The following NCOR1 variants were observed in gnomAD, a reference collection of about 807,000 sequenced individuals.
NCOR1 encodes the protein nuclear receptor corepressor 1.
In NCOR1, 63 loss-of-function variants were observed where a neutral mutation model predicts 288.1. That is an observed-to-expected ratio of 0.22 (90% CI 0.18 to 0.27). The LOEUF is 0.27. Among genes scored for constraint, NCOR1 ranks in the 10% least tolerant of loss-of-function variants. NCOR1 has a pLI of 1.00. For synonymous variants in NCOR1, 1,007 were observed against 1,065.9 expected (o/e 0.94, Z 1.08); for missense variants, 2,397 against 3,019.2 (o/e 0.79, Z 4.83).
intron 21 of NCOR1, 111 bp from the exon 22 acceptor site, chr17:16,092,169 A>G (rs143790356): frequency 7.7e-7 from 1 of 1,295,982 alleles, no homozygotes; most frequent in East Asian, 2.4e-5. Context: ...AATTGATTTT[A>G]TCATTTTTTA....
At chr17:16,137,250 C>A (rs918038347) in intron 14 of NCOR1, 61 bp downstream of exon 14, 2 of 1,101,502 alleles carry the variant, frequency 1.8e-6, no homozygotes, top group African/African-American at 3.1e-5. Flanking sequence ...TGTTTTAACA[C>A]TTTTTGCTTG....
chr17:16,110,477 C>T lies in NCOR1; in HGVS notation c.2056-1565G>A, dbSNP rs139018044. Among the ~76,000 whole-genome samples the T allele has an allele frequency of 7.0e-4, 106 of 152,166 alleles. 2 individuals are homozygous for T. In the East Asian group the frequency reaches 0.012, roughly 17 times the overall value. ...CATTCTTCTACTGGGGTCGCATATA[C>T]GTAAGAGTACATGTGTACACATTTA... On this transcript the variant is annotated intron_variant, in intron 18 of 45. Transcript: ENST00000268712.
Position 16,032,169 on chromosome 17 carries a change from G to T in NCOR1, c.*127C>A. 3 of 905,190 alleles carry T rather than the reference G, an allele frequency of 3.3e-6. No individual in the cohort carries two copies. Among genetic ancestry groups the T allele is most frequent in the Non-Finnish European group, 4.7e-6 (3 of 634,292 alleles). The allele number at this position is 905,190 out of a possible 1,614,324, so 56.1% of individuals were successfully genotyped here. A position where few individuals can be genotyped will look rare whatever the true frequency, so the allele number is the denominator to read the frequency against. On this transcript the variant is annotated 3_prime_UTR_variant, in exon 46 of 46. Coordinates refer to ENST00000268712, the MANE Select transcript of NCOR1 (RefSeq NM_006311.4). ...TCCATCATTTCTTCATCATCTGTGG[G>T]CTGGCTCTCCTGAAAAGTCTCAGGG...
intron 35 of NCOR1, 103 bp downstream of exon 35, chr17:16,063,965 G>C: frequency 7.1e-7 from 1 of 1,411,622 alleles, no homozygotes; most frequent in Non-Finnish European, 9.4e-7. Context: ...CGTTGTCTTA[G>C]AATTTTTGTT....
At chr17:16,172,047 C>T (rs1205679126) in intron 3 of NCOR1, 52 bp from the exon 4 acceptor site, 4 of 1,387,878 alleles carry the variant, frequency 2.9e-6, no homozygotes, top group Non-Finnish European at 3.9e-6. Context: ...TGATGTACAA[C>T]TCCCTGGTAA....
Position 16,050,317 on chromosome 17 carries a change from G to C in NCOR1, c.6393-1329C>G, listed in dbSNP as rs188913165. On this transcript the variant is annotated intron_variant, in intron 40 of 45. Coordinates refer to ENST00000268712, the MANE Select transcript of NCOR1 (RefSeq NM_006311.4). ...GGCTCACTATAACCTCCACCTCCCA[G>C]GTTGAAAGGATTCTAGTGCCTCAGC... is the stretch of plus-strand genomic sequence containing the variant. Among the ~76,000 whole-genome samples the C allele has an allele frequency of 2.2e-4, 34 of 151,986 alleles. 1 individual carries two copies. The highest frequency in any genetic ancestry group is 2.1e-3 in the Admixed American group (32 of 15,282).
chr17:16,077,173 G>A (rs2062587535), intron 26 of NCOR1, among the ~76,000 whole-genome samples: 1 of 151,942 alleles, frequency 6.6e-6, no homozygotes, highest in Non-Finnish European at 1.5e-5. Context: ...AAGACGGGCG[G>A]ATCACCTGAA....
chr17:16,091,781 C>A (rs2065220328), intron 22 of NCOR1, 82 bp downstream of exon 22: 3 of 1,592,730 alleles, frequency 1.9e-6, no homozygotes, highest in South Asian at 1.1e-5. Flanking sequence ...TGACAACTTA[C>A]AAAGCACAAT....
At chr17:16,123,003 T>TA (rs900739755) in intron 15 of NCOR1, among the ~76,000 whole-genome samples, 1 of 152,116 alleles carries the variant, frequency 6.6e-6, no homozygotes, top group African/African-American at 2.4e-5. Context: ...CCCATTCTCA[T>TA]AAGTTCTACC....
intron 1 of NCOR1, among the ~76,000 whole-genome samples, chr17:16,205,924 C>A (rs1270930247): frequency 1.4e-5 from 2 of 143,164 alleles, no homozygotes; most frequent in African/African-American, 2.6e-5. Flanking sequence ...GCAACAAGAG[C>A]GATACTCCGT....
At chr17:16,041,252 T>C (rs550382327) in intron 42 of NCOR1, 1 of 152,290 alleles carries the variant, frequency 6.6e-6, no homozygotes, top group South Asian at 2.1e-4. Flanking sequence ...GAACCGCCTA[T>C]AATAAAGCAG....
intron 44 of NCOR1, among the ~76,000 whole-genome samples, chr17:16,035,519 G>A (rs2151876206): frequency 6.9e-6 from 1 of 145,802 alleles, no homozygotes; most frequent in East Asian, 2.0e-4. Context: ...TCCACTACTA[G>A]TTCTCTTGTT....
At chr17:16,110,732 G>T (rs999200355) in intron 18 of NCOR1, among the ~76,000 whole-genome samples, 1 of 152,042 alleles carries the variant, frequency 6.6e-6, no homozygotes, top group African/African-American at 2.4e-5. Flanking sequence ...AAAATTACCC[G>T]TACATCTACT....
chr17:16,116,783 A>G (rs2071688608), intron 18 of NCOR1, among the ~76,000 whole-genome samples: 1 of 152,218 alleles, frequency 6.6e-6, no homozygotes, highest in Admixed American at 6.5e-5. Context: ...AATGGGTGAG[A>G]TTTAATAAAA....
intron 44 of NCOR1, chr17:16,039,219 C>T (rs929863999): frequency 1.8e-6 from 1 of 557,432 alleles, no homozygotes; most frequent in Admixed American, 3.1e-5. Flanking sequence ...GAGGGTGACA[C>T]TTTGGGTAAA....
chr17:16,070,247 A>G lies in NCOR1; in HGVS notation c.4431T>C (p.Asp1477=). 1 of 1,614,046 alleles carries G rather than the reference A, an allele frequency of 6.2e-7. No individual in the cohort carries two copies. The highest frequency in any genetic ancestry group is 8.5e-7 in the Non-Finnish European group (1 of 1,180,020). ...PKAQLSPGIY[D]DTSARRTPVS... ...CAGGGGTCCTCCGTGCACTGGTGTC[A>G]TCATAAATCCCAGGGCTCAGTTGTG... is the stretch of plus-strand genomic sequence containing the variant. The change falls in exon 31 of 46, where the codon GAT becomes GAC. Residue 1477 remains aspartate (D), a synonymous_variant. Transcript: ENST00000268712.
chr17:16,211,925 C>T (rs137889630), intron 1 of NCOR1, among the ~76,000 whole-genome samples: 1 of 152,122 alleles, frequency 6.6e-6, no homozygotes, highest in African/African-American at 2.4e-5. Context: ...GTTTTCTTAA[C>T]CATTTACATG....
chr17:16,060,666 AT>A (rs970412346), intron 37 of NCOR1, among the ~76,000 whole-genome samples: 45 of 150,020 alleles, frequency 3.0e-4, no homozygotes, highest in East Asian at 7.8e-4. Context: ...ATGAGAAATC[AT>A]TTTTTTTTTC....
chr17:16,105,750 A>C (rs527533760), intron 19 of NCOR1, among the ~76,000 whole-genome samples: 4 of 148,154 alleles, frequency 2.7e-5, no homozygotes, highest in African/African-American at 9.9e-5. Context: ...CAAACAAACA[A>C]AGACAGACAA....
Sources: gnomAD v4.1 joint callset for allele counts (sites outside exome capture counted in the v4.1 genomes callset) on GRCh38, gnomAD v4.1.1 for gene constraint, MANE v1.5 for transcripts, NCBI Gene and HGNC (gene_info 2026-07-23, HGNC 2026-07-21) for gene names.